The following PINX1 variants were observed in gnomAD, a reference collection of about 807,000 sequenced individuals.
PINX1 encodes PIN2/TERF1-interacting telomerase inhibitor 1.
PINX1 carries 34 observed loss-of-function variants against 25.4 expected under a neutral mutation model. That is an observed-to-expected ratio of 1.34 (90% confidence interval 1.02 to 1.78). The LOEUF is 1.78. Ranked by LOEUF, PINX1 falls within the 40% of genes most tolerant of loss-of-function variation. The probability of loss-of-function intolerance (pLI) is 0.00; values close to 1 mark genes in which losing one functional copy is unlikely to be tolerated. For synonymous variants in PINX1, 197 were observed against 147.7 expected (o/e 1.33, Z -2.42); for missense variants, 592 against 404.9 (o/e 1.46, Z -3.97).
chr8:10,773,457 T>G (rs79998833), intron 6 of PINX1, among the ~76,000 whole-genome samples: 1 of 152,182 alleles, frequency 6.6e-6, no homozygotes, highest in Admixed American at 6.5e-5. Flanking sequence ...CCAGTAAGTA[T>G]GCAGAGATAC....
At chr8:10,770,122 A>C (rs544254399) in intron 6 of PINX1, among the ~76,000 whole-genome samples, 4 of 152,312 alleles carry the variant, frequency 2.6e-5, no homozygotes, top group African/African-American at 9.6e-5. Flanking sequence ...CACAGAGTAA[A>C]ACCCAAGTCC....
At chr8:10,810,525 T>G (rs1192918946) in intron 6 of PINX1, among the ~76,000 whole-genome samples, 2 of 152,178 alleles carry the variant, frequency 1.3e-5, no homozygotes, top group East Asian at 3.9e-4. Flanking sequence ...TTTCAACAGA[T>G]GAATTCAATT....
rs1331113327 is a variant in PINX1, at chr8:10,829,502, C to G, written c.301+2163G>C. On this transcript the variant is annotated intron_variant, in intron 4 of 6. Coordinates refer to ENST00000314787, the MANE Select transcript of PINX1 (RefSeq NM_017884.6). The stretch of plus-strand genomic sequence containing the variant: ...TCACAACAACCTTCCAAAGATGATA[C>G]TACTGCTTCCATTTAACCAAAGAGG... Among the ~76,000 whole-genome samples the G allele has an allele frequency of 3.9e-5, 6 of 152,076 alleles. No individual in the cohort carries two copies. The East Asian group carries it at 9.6e-4, about 24-fold the overall frequency.
chr8:10,810,161 G>C (rs1250125146), intron 6 of PINX1, among the ~76,000 whole-genome samples: 3 of 152,202 alleles, frequency 2.0e-5, no homozygotes, highest in African/African-American at 7.2e-5. Flanking sequence ...CCTCCCACCA[G>C]GTCACACCTC....
intron 5 of PINX1, chr8:10,825,251 A>G: frequency 2.1e-6 from 1 of 483,414 alleles, no homozygotes; most frequent in Middle Eastern, 3.3e-4. Flanking sequence ...AGAGCTTCCC[A>G]GCAATGCCCT....
In PINX1 at chr8:10,765,053, GACACAC is replaced by G. The variant is rs34143365; in HGVS notation, c.*342_*347del. On this transcript the variant is annotated 3_prime_UTR_variant, in exon 7 of 7. Transcript: ENST00000314787. ...GGAACCGAGAGCAAACGGAGATAGT[GACACAC>G]ACACACACACACAGATGCGCACATG... 6 of 201,972 alleles carry G rather than the reference GACACAC, an allele frequency of 3.0e-5. No homozygotes were observed. Among genetic ancestry groups the G allele is most frequent in the South Asian group, 1.8e-4 (1 of 5,630 alleles). 12.5% of individuals were successfully genotyped at this position (201,972 alleles called of 1,614,324 possible).
intron 6 of PINX1, among the ~76,000 whole-genome samples, chr8:10,818,859 G>C (rs1489253325): frequency 6.6e-6 from 1 of 152,216 alleles, no homozygotes; most frequent in Non-Finnish European, 1.5e-5. Flanking sequence ...TCAAGGAAGA[G>C]GGGTTGGAGA....
chr8:10,765,342 T>C lies in PINX1; in HGVS notation c.*59A>G. 2 of 1,451,590 alleles carry C rather than the reference T, an allele frequency of 1.4e-6. No individual in the cohort carries two copies. Among genetic ancestry groups the C allele is most frequent in the Non-Finnish European group, 1.8e-6 (2 of 1,090,048 alleles). 89.9% of individuals were successfully genotyped at this position (1,451,590 alleles called of 1,614,324 possible). ...CTCTGCTGTGACTTCAGGCCAGAGG[T>C]GTCTGCCCCCGCAGTGCCCTGACAG... On this transcript the variant is annotated 3_prime_UTR_variant, in exon 7 of 7. Transcript: ENST00000314787.
chr8:10,821,206 G>A (rs1458612761), intron 5 of PINX1, among the ~76,000 whole-genome samples: 1 of 152,244 alleles, frequency 6.6e-6, no homozygotes, highest in Non-Finnish European at 1.5e-5. Flanking sequence ...AGACTCACTT[G>A]TCTTCTTGGT....
chr8:10,795,844 C>T (rs889927643), intron 6 of PINX1, among the ~76,000 whole-genome samples: 3 of 151,616 alleles, frequency 2.0e-5, no homozygotes, highest in African/African-American at 7.3e-5. Flanking sequence ...CAAAAAACAA[C>T]AAAAAGGCCC....
At chr8:10,811,586 T>C (rs1202635234) in intron 6 of PINX1, among the ~76,000 whole-genome samples, 1 of 152,186 alleles carries the variant, frequency 6.6e-6, no homozygotes, top group Non-Finnish European at 1.5e-5. Flanking sequence ...TGGGCAGTCC[T>C]GGCTCAGGGT....
At chr8:10,831,159 G>A (rs1450491530) in intron 4 of PINX1, among the ~76,000 whole-genome samples, 1 of 152,210 alleles carries the variant, frequency 6.6e-6, no homozygotes, top group African/African-American at 2.4e-5. Flanking sequence ...GGTTGAGTTT[G>A]GAGGACATTA....
intron 5 of PINX1, among the ~76,000 whole-genome samples, chr8:10,824,036 G>A (rs900745318): frequency 1.5e-4 from 23 of 152,226 alleles, no homozygotes; most frequent in African/African-American, 4.1e-4. Flanking sequence ...AGTTACAGTC[G>A]TTATCAGCAT....
chr8:10,811,744 C>T (rs1218538433), intron 6 of PINX1, among the ~76,000 whole-genome samples: 2 of 152,158 alleles, frequency 1.3e-5, no homozygotes, highest in East Asian at 1.9e-4. Context: ...CGGGCCTCCT[C>T]ATAGCTTGGG....
At chr8:10,833,621 G>GC (rs1460814234) in intron 2 of PINX1, 2,454 of 41,730 alleles carry the variant, frequency 0.059, 26 homozygotes, top group African/African-American at 0.11. Context: ...GACAACTGGG[G>GC]TGCGGGAGGC....
chr8:10,774,837 T>A (rs1801338726), intron 6 of PINX1, among the ~76,000 whole-genome samples: 2 of 152,100 alleles, frequency 1.3e-5, no homozygotes, highest in South Asian at 4.1e-4. Flanking sequence ...AGGAGTAAAT[T>A]TGGCAAAGCA....
chr8:10,786,422 C>T (rs1178030773), intron 6 of PINX1, among the ~76,000 whole-genome samples: 2 of 152,128 alleles, frequency 1.3e-5, no homozygotes, highest in African/African-American at 2.4e-5. Context: ...ACGGTTCAAA[C>T]GTGACATTTC....
chr8:10,802,296 A>C (rs754425829), intron 6 of PINX1, among the ~76,000 whole-genome samples: 3 of 152,128 alleles, frequency 2.0e-5, no homozygotes, highest in Non-Finnish European at 2.9e-5. Flanking sequence ...AAGGAGACAA[A>C]CTTCTGTGAC....
At chr8:10,807,692 T>C (rs1177939098) in intron 6 of PINX1, among the ~76,000 whole-genome samples, 4 of 152,112 alleles carry the variant, frequency 2.6e-5, no homozygotes, top group Non-Finnish European at 5.9e-5. Flanking sequence ...TTCAAAATGC[T>C]GAAGGAAAAT....
Sources: allele counts gnomAD v4.1 joint callset (sites outside exome capture counted in the v4.1 genomes callset), GRCh38; gene constraint gnomAD v4.1.1; transcripts MANE v1.5; gene names NCBI Gene and HGNC (gene_info 2026-07-23, HGNC 2026-07-21).